Variants in AFF3 observed in about 807,000 individuals in gnomAD.
The protein encoded by AFF3 is AF4/FMR2 family member 3.
AFF3 carries 32 observed loss-of-function variants against 129.7 expected under a neutral mutation model. The observed-to-expected ratio is 0.25, with a 90% CI of 0.19 to 0.33. The LOEUF (loss-of-function observed/expected upper bound fraction) is 0.33, where lower values mean the gene tolerates loss of function less well. Among genes scored for constraint, AFF3 ranks in the 10% least tolerant of loss-of-function variants. The pLI, the probability that AFF3 is intolerant of heterozygous loss-of-function variation, is 1.00. For missense variants in AFF3, 1,373 were observed against 1,592.0 expected, an observed-to-expected ratio of 0.86 and a Z score of 2.34; for synonymous variants, 644 against 635.4, an observed-to-expected ratio of 1.01 and a Z score of -0.20.
rs1380554724 is a variant in AFF3, at chr2:100,017,190, G to A, written c.54-8258C>T. Among the ~76,000 whole-genome samples, 8 of 151,962 alleles carry A rather than the reference G, an allele frequency of 5.3e-5. 1 individual carries two copies. In the South Asian group the frequency reaches 6.2e-4, roughly 12 times the overall value. On this transcript the variant is annotated intron_variant, in intron 4 of 24. Coordinates refer to ENST00000672756, the MANE Select transcript of AFF3 (RefSeq NM_001386135.1). ...ATCCTAAAGAACATGACTATGCCCC[G>A]GCTCACTTATCCTGGATTTTCCTTA...
In AFF3 at chr2:99,548,739, T is replaced by G. The variant is rs926489679; in HGVS notation, c.*2735A>C. On this transcript the variant is annotated 3_prime_UTR_variant, in exon 25 of 25. Coordinates refer to ENST00000672756, the MANE Select transcript of AFF3 (RefSeq NM_001386135.1). ...GCTTGGGCTACAGAGCCAGACCCGG[T>G]CTCAAAACCAACCAAACCAACAACA... is the stretch of plus-strand genomic sequence containing the variant. 13 of 229,430 alleles carry G rather than the reference T, an allele frequency of 5.7e-5. No homozygotes were observed. The Middle Eastern group carries it at 7.6e-3, about 134-fold the overall frequency. The allele number at this position is 229,430 out of a possible 1,614,324, so 14.2% of individuals were successfully genotyped here. A position where few individuals can be genotyped will look rare whatever the true frequency, so the allele number is the denominator to read the frequency against.
chr2:99,679,311 G>T (rs967593836), intron 11 of AFF3, among the ~76,000 whole-genome samples: 1 of 152,136 alleles, frequency 6.6e-6, no homozygotes, highest in Non-Finnish European at 1.5e-5. Flanking sequence ...TGTTGAACCT[G>T]GGGTGAAGGT....
At chr2:99,864,270 C>T (rs1048871954) in intron 7 of AFF3, among the ~76,000 whole-genome samples, 3 of 152,208 alleles carry the variant, frequency 2.0e-5, no homozygotes, top group Admixed American at 1.3e-4. Context: ...TCTGATCCCA[C>T]TGGTGGACCT....
At chr2:99,983,095 T>C (rs1021191170) in intron 7 of AFF3, among the ~76,000 whole-genome samples, 1 of 152,214 alleles carries the variant, frequency 6.6e-6, no homozygotes, top group Non-Finnish European at 1.5e-5. Context: ...CTGTGGCTGA[T>C]TGGAACTCAA....
intron 12 of AFF3, among the ~76,000 whole-genome samples, chr2:99,667,187 G>A (rs1055470652): frequency 6.6e-6 from 1 of 152,154 alleles, no homozygotes; most frequent in Non-Finnish European, 1.5e-5. Context: ...TACAGACTAT[G>A]TTCTCTGACC....
intron 10 of AFF3, 73 bp downstream of exon 10, chr2:99,744,031 C>A: frequency 1.5e-6 from 2 of 1,319,284 alleles, no homozygotes; most frequent in South Asian, 1.3e-5. Context: ...GTGTGCTCAT[C>A]CTCCCTCCCC....
intron 10 of AFF3, among the ~76,000 whole-genome samples, chr2:99,730,033 C>T (rs1679687784): frequency 6.6e-6 from 1 of 152,078 alleles, no homozygotes; most frequent in Non-Finnish European, 1.5e-5. Context: ...TATGTAAAAT[C>T]TATGTATCTA....
At chr2:100,049,661 T>G (rs1340610905) in intron 4 of AFF3, among the ~76,000 whole-genome samples, 1 of 152,204 alleles carries the variant, frequency 6.6e-6, no homozygotes, top group Non-Finnish European at 1.5e-5. Flanking sequence ...GTGAGAGCTA[T>G]CAAGAGAATG....
intron 9 of AFF3, among the ~76,000 whole-genome samples, chr2:99,746,155 C>T (rs1191395121): frequency 6.7e-6 from 1 of 148,624 alleles, no homozygotes; most frequent in African/African-American, 2.5e-5. Flanking sequence ...AAGACTTACA[C>T]AAGAATGCGT....
intron 7 of AFF3, among the ~76,000 whole-genome samples, chr2:99,866,003 A>G (rs1192606931): frequency 6.6e-6 from 1 of 152,248 alleles, no homozygotes; most frequent in Non-Finnish European, 1.5e-5. Context: ...TTGGCAGTTA[A>G]GGAAAACTTT....
intron 7 of AFF3, among the ~76,000 whole-genome samples, chr2:99,964,132 T>C (rs539645281): frequency 1.3e-5 from 2 of 152,058 alleles, no homozygotes; most frequent in African/African-American, 2.4e-5. Context: ...ACAGCTGAAA[T>C]GAGAAACAGA....
chr2:99,941,320 C>A (rs996068698), intron 7 of AFF3, among the ~76,000 whole-genome samples: 1 of 152,184 alleles, frequency 6.6e-6, no homozygotes, highest in Non-Finnish European at 1.5e-5. Context: ...CTCACTGCTA[C>A]TAAAGGCTTC....
intron 7 of AFF3, among the ~76,000 whole-genome samples, chr2:100,005,277 TG>T (rs1397791961): frequency 6.6e-6 from 1 of 152,248 alleles, no homozygotes; most frequent in East Asian, 1.9e-4. Context: ...ATGAACTCAC[TG>T]AATTCCAAAA....
At chr2:99,819,513 T>A (rs1687486628) in intron 8 of AFF3, among the ~76,000 whole-genome samples, 1 of 152,248 alleles carries the variant, frequency 6.6e-6, no homozygotes, top group Non-Finnish European at 1.5e-5. Flanking sequence ...TTTCCTTCAA[T>A]CTCAGATTTA....
intron 11 of AFF3, among the ~76,000 whole-genome samples, chr2:99,715,160 A>T (rs1205909598): frequency 6.6e-6 from 1 of 152,078 alleles, no homozygotes; most frequent in East Asian, 1.9e-4. Flanking sequence ...AGAAGAGCTC[A>T]CTCTGGCTGG....
intron 7 of AFF3, among the ~76,000 whole-genome samples, chr2:99,887,942 C>A (rs1159928265): frequency 6.6e-6 from 1 of 152,056 alleles, no homozygotes; most frequent in Non-Finnish European, 1.5e-5. Flanking sequence ...CAGGCACGTC[C>A]CTAAATGCTA....
At chr2:99,611,869 AGAGT>A (rs1680961708) in intron 13 of AFF3, among the ~76,000 whole-genome samples, 1 of 149,040 alleles carries the variant, frequency 6.7e-6, no homozygotes, top group South Asian at 2.2e-4. Context: ...CCTGGGCGAC[AGAGT>A]GAGATATCAT....
In AFF3 at chr2:99,672,209, CACACACACACACACACACACACAT is replaced by C. The variant is rs1344233595; in HGVS notation, c.1143+305_1143+328del. 1.2e-3 allele frequency among the ~76,000 whole-genome samples: 34 copies of C among 29,376 alleles called. 1 individual carries two copies. Among genetic ancestry groups the C allele is most frequent in the African/African-American group, 6.9e-3 (26 of 3,794 alleles). 19.3% of individuals were successfully genotyped at this position (29,376 alleles called of 152,430 possible). A position where few individuals can be genotyped will look rare whatever the true frequency, so the allele number is the denominator to read the frequency against. Reference sequence around the variant, plus strand: ...ACACACACACACACACACACACACACACACACACACACACACACACACATGAATAAATAAAAAAGAAAAAAAAAA... The same window carrying C: ...ACACACACACACACACACACACACACGAATAAATAAAAAAGAAAAAAAAAA... On this transcript the variant is annotated intron_variant, in intron 12 of 24. Coordinates refer to ENST00000672756, the MANE Select transcript of AFF3 (RefSeq NM_001386135.1).
chr2:99,698,020 G>A (rs1022145699), intron 11 of AFF3, among the ~76,000 whole-genome samples: 10 of 152,040 alleles, frequency 6.6e-5, no homozygotes, highest in Non-Finnish European at 1.3e-4. Context: ...ATTCCCAGCT[G>A]TTCAAAATAT....
Sources: allele counts gnomAD v4.1 joint callset (sites outside exome capture counted in the v4.1 genomes callset), GRCh38; gene constraint gnomAD v4.1.1; transcripts MANE v1.5; gene names NCBI Gene and HGNC (gene_info 2026-07-23, HGNC 2026-07-21).